RCL1: variants seen among roughly 807,000 people sequenced by gnomAD.
RCL1 encodes RNA terminal phosphate cyclase like 1, also known as RNA 3'-terminal phosphate cyclase-like protein.
In RCL1, 24 loss-of-function variants were observed where a neutral mutation model predicts 42.4. The ratio of observed to expected loss-of-function variants is 0.57; its 90% CI spans 0.41 to 0.80. The LOEUF is 0.80. Ranked by LOEUF, RCL1 falls within the 30% of genes least tolerant of loss-of-function variation. The probability of loss-of-function intolerance (pLI) is 0.00; values close to 1 mark genes in which losing one functional copy is unlikely to be tolerated. For synonymous variants in RCL1, 228 were observed against 177.3 expected, an observed-to-expected ratio of 1.29 and a Z score of -2.27; for missense variants, 578 against 467.9, an observed-to-expected ratio of 1.24 and a Z score of -2.17.
Position 4,836,537 on chromosome 9 carries a change from G to T in RCL1, c.584+2272G>T, listed in dbSNP as rs576435186. ...GTGGTAAAATTCTAGGTGCTGACAG[G>T]ATCTGGGTGGGAGCAGGTGTTGGAG... On this transcript the variant is annotated intron_variant, in intron 5 of 8. Coordinates refer to ENST00000381750, the MANE Select transcript of RCL1 (RefSeq NM_005772.5). Among the ~76,000 whole-genome samples the T allele has an allele frequency of 2.6e-5, 4 of 152,202 alleles. No homozygotes were observed. In the East Asian group the frequency reaches 5.8e-4, roughly 22 times the overall value.
chr9:4,834,201 A>T lies in RCL1; in HGVS notation c.520A>T (p.Arg174Trp). Reference sequence around the variant, plus strand: ...CGAAGTGGTTTTCTCATGTCCTGTGAGGAAGGTCTTGAAGCCCATTCAACT... The same window carrying T: ...CGAAGTGGTTTTCTCATGTCCTGTGTGGAAGGTCTTGAAGCCCATTCAACT... ...GGEVVFSCPV[R>W]KVLKPIQLTD... Residue 174 changes from arginine (R) to tryptophan (W), a missense_variant, in exon 5 of 9, where the codon AGG becomes TGG. Coordinates refer to ENST00000381750, the MANE Select transcript of RCL1 (RefSeq NM_005772.5). 6.2e-7 allele frequency: 1 copy of T among 1,613,744 alleles called. No individual in the cohort carries two copies. Among genetic ancestry groups the T allele is most frequent in the East Asian group, 2.2e-5 (1 of 44,870 alleles).
chr9:4,805,984 G>T (rs1240319510), intron 1 of RCL1, among the ~76,000 whole-genome samples: 1 of 150,916 alleles, frequency 6.6e-6, no homozygotes, highest in Non-Finnish European at 1.5e-5. Context: ...TTTAGTTTCT[G>T]TGTTGATTAT....
intron 8 of RCL1, 56 bp downstream of exon 8, chr9:4,849,606 C>T (rs897288411): frequency 3.1e-6 from 4 of 1,286,560 alleles, no homozygotes; most frequent in Non-Finnish European, 4.5e-6. Flanking sequence ...TCTCATTGCC[C>T]AAAATGACAA....
chr9:4,806,893 T>G (rs1380939346), intron 1 of RCL1, among the ~76,000 whole-genome samples: 1 of 152,042 alleles, frequency 6.6e-6, no homozygotes, highest in Non-Finnish European at 1.5e-5. Context: ...TTTTTGGGAG[T>G]TTTTAGATTA....
chr9:4,799,193 C>T (rs549871391), intron 1 of RCL1, among the ~76,000 whole-genome samples: 21 of 151,520 alleles, frequency 1.4e-4, no homozygotes, highest in African/African-American at 5.1e-4. Context: ...AGAGTGATCT[C>T]AAACTACTGG....
intron 2 of RCL1, among the ~76,000 whole-genome samples, chr9:4,823,925 GT>G (rs908373098): frequency 2.0e-5 from 3 of 151,992 alleles, no homozygotes; most frequent in Admixed American, 6.5e-5. Context: ...AAAATACCGT[GT>G]TCCGATGGAA....
chr9:4,795,226 T>A (rs1842895608), intron 1 of RCL1, among the ~76,000 whole-genome samples: 1 of 151,988 alleles, frequency 6.6e-6, no homozygotes, highest in Non-Finnish European at 1.5e-5. Flanking sequence ...TACAGGTGCC[T>A]GCCACCATGC....
rs1818132529 is a variant in RCL1, at chr9:4,860,372, A to G, written c.*97A>G. The G allele has an allele frequency of 8.0e-7, 1 of 1,247,036 alleles. No individual in the cohort carries two copies. Among genetic ancestry groups the G allele is most frequent in the Non-Finnish European group, 1.1e-6 (1 of 908,064 alleles). 77.2% of individuals were successfully genotyped at this position (1,247,036 alleles called of 1,614,324 possible). On this transcript the variant is annotated 3_prime_UTR_variant, in exon 9 of 9. Transcript: ENST00000381750. The stretch of plus-strand genomic sequence containing the variant: ...GTCCAAATGGATTAATCCAGGACAG[A>G]ATAGCCACTTGCTTAATTTTCTGTG...
intron 1 of RCL1, among the ~76,000 whole-genome samples, chr9:4,795,860 C>T (rs1362092975): frequency 6.6e-6 from 1 of 152,148 alleles, no homozygotes; most frequent in Non-Finnish European, 1.5e-5. Flanking sequence ...ATGTGAGAAG[C>T]TGGTTGCCCC....
intron 1 of RCL1, among the ~76,000 whole-genome samples, chr9:4,812,970 G>A (rs1175016740): frequency 6.6e-6 from 1 of 152,130 alleles, no homozygotes. Flanking sequence ...GTTCATGGCA[G>A]TACTTTAAGA....
intron 5 of RCL1, among the ~76,000 whole-genome samples, chr9:4,836,970 C>G (rs1817160480): frequency 6.6e-6 from 1 of 152,158 alleles, no homozygotes; most frequent in African/African-American, 2.4e-5. Context: ...AGCGCCCAGC[C>G]TTGTGTGTAC....
chr9:4,831,205 C>T (rs923474041), intron 3 of RCL1, among the ~76,000 whole-genome samples: 2 of 152,312 alleles, frequency 1.3e-5, no homozygotes, highest in Admixed American at 6.5e-5. Context: ...AGGACTACAC[C>T]TGGAATTACC....
At chr9:4,841,645 G>T (rs1471373626) in intron 6 of RCL1, among the ~76,000 whole-genome samples, 2 of 152,166 alleles carry the variant, frequency 1.3e-5, no homozygotes, top group East Asian at 1.9e-4. Flanking sequence ...AATTCCATCT[G>T]CACTCTGTTC....
chr9:4,839,896 G>A (rs1476331442), intron 5 of RCL1: 3 of 985,632 alleles, frequency 3.0e-6, no homozygotes, highest in Non-Finnish European at 3.6e-6. Flanking sequence ...GGTGCCGGCT[G>A]GAGGGTTTCA....
Position 4,806,012 on chromosome 9 carries a change from A to G in RCL1, c.136+12785A>G, listed in dbSNP as rs543789973. ...TTGATTATTAGTATATAGAAATACC[A>G]TTGGGGTGTGTGTGTGTGTGTGTGT... On this transcript the variant is annotated intron_variant, in intron 1 of 8. Transcript: ENST00000381750. 1.2e-4 allele frequency among the ~76,000 whole-genome samples: 14 copies of G among 121,214 alleles called. No homozygotes were observed. The Admixed American group carries it at 1.2e-3, about 10-fold the overall frequency. 79.5% of individuals were successfully genotyped at this position (121,214 alleles called of 152,430 possible). A position where few individuals can be genotyped will look rare whatever the true frequency, so the allele number is the denominator to read the frequency against.
In RCL1 at chr9:4,793,202, C is replaced by T; in HGVS notation, c.111C>T (p.Ala37=). ...CCGTCAAAATCCGAAAGATTCGGGC[C>T]AGAGACGACAACCCGGGCCTCCGAG... is the stretch of plus-strand genomic sequence containing the variant. The part of the protein sequence containing the change: ...GRPVKIRKIR[A]RDDNPGLRDF... The change falls in exon 1 of 9, where the codon GCC becomes GCT. Residue 37 remains alanine (A), a synonymous_variant. Coordinates refer to ENST00000381750, the MANE Select transcript of RCL1 (RefSeq NM_005772.5). The T allele has an allele frequency of 6.2e-7, 1 of 1,606,336 alleles. No homozygotes were observed. Among genetic ancestry groups the T allele is most frequent in the Non-Finnish European group, 8.5e-7 (1 of 1,176,498 alleles).
intron 1 of RCL1, among the ~76,000 whole-genome samples, chr9:4,802,658 G>T (rs555628396): frequency 9.7e-4 from 147 of 152,042 alleles, no homozygotes; most frequent in Non-Finnish European, 1.8e-3. Context: ...ACAAATATAC[G>T]GAAGTAGTTT....
In RCL1 at chr9:4,826,991, A is replaced by C. The variant is rs1419059872; in HGVS notation, c.342A>C (p.Lys114Asn). Residue 114 changes from lysine (K) to asparagine (N), a missense_variant, in exon 3 of 9, where the codon AAA becomes AAC. Lys to Asn is a moderately conservative substitution (Grantham distance 94). Transcript: ENST00000381750. ...CTCCATTTATGAAGCACCCGTTAAA[A>C]ATAGTTCTACGAGGAGTGACCAATG... Reference protein sequence around the residue: ...CLAPFMKHPLKIVLRGVTNDQ... With the variant: ...CLAPFMKHPLNIVLRGVTNDQ... 1 of 1,614,192 alleles carries C rather than the reference A, an allele frequency of 6.2e-7. No homozygotes were observed.
intron 5 of RCL1, among the ~76,000 whole-genome samples, chr9:4,838,148 T>G (rs2129651886): frequency 6.6e-6 from 1 of 152,328 alleles, no homozygotes; most frequent in East Asian, 1.9e-4. Context: ...TGGACTAAGC[T>G]TGGAGGTTGT....
Sources: allele counts gnomAD v4.1 joint callset (sites outside exome capture counted in the v4.1 genomes callset), GRCh38; gene constraint gnomAD v4.1.1; transcripts MANE v1.5; gene names NCBI Gene and HGNC (gene_info 2026-07-23, HGNC 2026-07-21).